Variants in CEP350 observed in about 807,000 individuals in gnomAD.
The protein encoded by CEP350 is centrosomal protein 350, also known as centrosome-associated protein 350.
A neutral mutation model predicts 331.8 loss-of-function variants in CEP350; 126 were observed. That is an observed-to-expected ratio of 0.38 (90% CI 0.33 to 0.44). The LOEUF (loss-of-function observed/expected upper bound fraction) is 0.44. Ranked by LOEUF, CEP350 falls within the 20% of genes least tolerant of loss-of-function variation. CEP350 has a pLI of 1.00. For missense variants in CEP350, 3,406 were observed against 3,634.6 expected (o/e 0.94, Z 1.62); for synonymous variants, 1,200 against 1,259.5 (o/e 0.95, Z 1.00).
chr1:180,103,787 T>C (rs1033806797), intron 37 of CEP350, among the ~76,000 whole-genome samples: 4 of 151,998 alleles, frequency 2.6e-5, no homozygotes, highest in African/African-American at 4.8e-5. Flanking sequence ...CTTAATTCTC[T>C]TTCCATGGCT....
Position 180,004,873 on chromosome 1 carries a change from G to GGCTT in CEP350, c.1133-1548_1133-1545dup, listed in dbSNP as rs142057657. ...CAGAGCTTGGGCAGGCAGGCTGGCT[G>GGCTT]GCTTGCTTGCTTGCTTGCTTGCTTG... On this transcript the variant is annotated intron_variant, in intron 7 of 37. Coordinates refer to ENST00000367607, the MANE Select transcript of CEP350 (RefSeq NM_014810.5). Among the ~76,000 whole-genome samples the GGCTT allele has an allele frequency of 2.3e-3, 236 of 100,600 alleles. 4 individuals are homozygous for GGCTT. The East Asian group carries it at 0.025, about 10-fold the overall frequency. The allele number at this position is 100,600 out of a possible 152,430, so 66.0% of individuals were successfully genotyped here.
intron 11 of CEP350, among the ~76,000 whole-genome samples, chr1:180,016,658 A>AAG (rs1553255480): frequency 1.2e-5 from 1 of 86,716 alleles, no homozygotes; most frequent in Admixed American, 1.6e-4. Context: ...ATTTTGGGTT[A>AAG]TGTTTTTTTT....
rs1236760923 is a variant in CEP350, at chr1:179,996,807, C to G, written c.650C>G (p.Ala217Gly). ...QNSECLIRMG[A>G]SMRTEEEMPN... is the part of the protein sequence containing the mutation. Reference sequence around the variant, plus strand: ...TCTGAATGTTTGATTAGGATGGGAGCTTCTATGAGAACTGAGGAAGAAATG... The same window carrying G: ...TCTGAATGTTTGATTAGGATGGGAGGTTCTATGAGAACTGAGGAAGAAATG... The change falls in exon 6 of 38, where the codon GCT becomes GGT. Residue 217 changes from alanine (A) to glycine (G), a missense_variant. Around this residue, in one of 5 missense-constraint regions of CEP350, gnomAD observed 1,857 missense variants for 1,909.2 expected, o/e 0.97. Coordinates refer to ENST00000367607, the MANE Select transcript of CEP350 (RefSeq NM_014810.5). 1.2e-6 allele frequency: 2 copies of G among 1,613,578 alleles called. No homozygotes were observed. Among genetic ancestry groups the G allele is most frequent in the Admixed American group, 3.3e-5 (2 of 59,974 alleles).
At position 180,111,077 on chromosome 1, in the gene CEP350, C is replaced by T. The variant is rs538238099; in HGVS notation, c.9270C>T (p.Asp3090=). 4.3e-6 allele frequency: 7 copies of T among 1,613,828 alleles called. No individual in the cohort carries two copies. Among genetic ancestry groups the T allele is most frequent in the South Asian group, 3.3e-5 (3 of 91,084 alleles). ...TGTGTGTGAAAATGCAGCTAGCCGA[C>T]GGGATCTTTGAGACCCTGATCAAAG... ...DELCVKMQLA[D]GIFETLIKDT... Residue 3090 remains aspartate (D), a synonymous_variant, in exon 38 of 38, where the codon GAC becomes GAT. Coordinates refer to ENST00000367607, the MANE Select transcript of CEP350 (RefSeq NM_014810.5).
chr1:179,991,667 ATGTGTGTGTGTGTGTGTG>A (rs751570955), intron 4 of CEP350, among the ~76,000 whole-genome samples: 4 of 90,212 alleles, frequency 4.4e-5, no homozygotes, highest in South Asian at 9.7e-4. Flanking sequence ...ATATATATAT[ATGTGTGTGTGTGTGTGTG>A]TGTGTGTGTG....
intron 30 of CEP350, 57 bp downstream of exon 30, chr1:180,080,718 A>G: frequency 6.8e-7 from 1 of 1,461,310 alleles, no homozygotes. Context: ...CCTTTACTCT[A>G]AAAGGCTTCA....
chr1:179,993,278 G>A (rs1653225543), intron 5 of CEP350, among the ~76,000 whole-genome samples: 1 of 151,926 alleles, frequency 6.6e-6, no homozygotes, highest in African/African-American at 2.4e-5. Flanking sequence ...AATAATCGAA[G>A]TTTAGAATCT....
chr1:180,005,503 A>G (rs994022109), intron 7 of CEP350, among the ~76,000 whole-genome samples: 9 of 152,090 alleles, frequency 5.9e-5, no homozygotes, highest in African/African-American at 2.2e-4. Context: ...CGAGGCCACC[A>G]TCAGTTTCCT....
chr1:180,044,198 C>T, intron 21 of CEP350, 25 bp downstream of exon 21: 1 of 1,542,746 alleles, frequency 6.5e-7, no homozygotes. Context: ...ATTTCTTTGT[C>T]AGTACAGTTT....
intron 1 of CEP350, among the ~76,000 whole-genome samples, chr1:179,974,756 C>T (rs916467084): frequency 6.6e-6 from 1 of 152,096 alleles, no homozygotes; most frequent in African/African-American, 2.4e-5. Flanking sequence ...CATTGGGAGG[C>T]CAAGGCAGGA....
rs752296583 is a variant in CEP350, at chr1:180,053,769, C to T, written c.5009C>T (p.Ser1670Leu). The change falls in exon 24 of 38, where the codon TCA (serine) becomes TTA (leucine). Residue 1670 changes from serine (S) to leucine (L), a missense_variant. Coordinates refer to ENST00000367607, the MANE Select transcript of CEP350 (RefSeq NM_014810.5). The part of the protein sequence containing the change: ...STAKELNMPF[S>L]GGQDSFSKFT... ...CTTTAGGAACTGAACATGCCATTCT[C>T]AGGAGGACAAGATAGCTTTTCTAAA... is the stretch of plus-strand genomic sequence containing the variant. 2 of 1,592,590 alleles carry T rather than the reference C, an allele frequency of 1.3e-6. No homozygotes were observed. Among genetic ancestry groups the T allele is most frequent in the Admixed American group, 1.7e-5 (1 of 59,020 alleles).
rs1401622132 is a variant in CEP350 at position 180,036,934 on chromosome 1, C to T, written c.3955C>T (p.Arg1319Cys). 5 of 1,567,012 alleles carry T rather than the reference C, an allele frequency of 3.2e-6. No individual in the cohort carries two copies. The highest frequency in any genetic ancestry group is 3.5e-6 in the Non-Finnish European group (4 of 1,159,246). ...ENMAPIPGSK[R>C]FSPAGLHHRM... ...ATTGTCATGCCTTCCAGGTTCTAAG[C>T]GCTTTTCTCCTGCTGGCCTCCATCA... The change falls in exon 17 of 38, where the codon CGC becomes TGC. Residue 1319 changes from arginine (R) to cysteine (C), a missense_variant. Coordinates refer to ENST00000367607, the MANE Select transcript of CEP350 (RefSeq NM_014810.5).
At chr1:179,980,399 A>G (rs1652187009) in intron 1 of CEP350, among the ~76,000 whole-genome samples, 1 of 151,694 alleles carries the variant, frequency 6.6e-6, no homozygotes, top group African/African-American at 2.4e-5. Context: ...TTTGTATCCT[A>G]CAAATTTACT....
intron 1 of CEP350, among the ~76,000 whole-genome samples, chr1:179,985,049 C>T (rs187277492): frequency 6.2e-4 from 94 of 152,214 alleles, no homozygotes; most frequent in African/African-American, 2.1e-3. Flanking sequence ...GTGTACAGTT[C>T]AGTGGTGTTA....
At position 180,071,813 on chromosome 1, in the gene CEP350, A is replaced by G. The variant is rs115300546; in HGVS notation, c.5568-3209A>G. On this transcript the variant is annotated intron_variant, in intron 27 of 37. Coordinates refer to ENST00000367607, the MANE Select transcript of CEP350 (RefSeq NM_014810.5). ...AAAAGAGCGAATTAAGTACTCATTA[A>G]TTCCTTAAGTTCAAACATTTTAGAA... Among the ~76,000 whole-genome samples, 661 of 152,282 alleles carry G rather than the reference A, an allele frequency of 4.3e-3. 5 individuals are homozygous for G. The highest frequency in any genetic ancestry group is 0.015 in the African/African-American group (629 of 41,562).
At position 179,955,150 on chromosome 1, in the gene CEP350, C is replaced by T; in HGVS notation, c.-14+8C>T. On this transcript the variant is annotated splice_region_variant and intron_variant, in intron 1 of 37. Transcript: ENST00000367607. ...CGGAGGCGACACTCTCAGGTGAGCT[C>T]CTGTAGGACCTGGCTGGGACCGCGG... 1.6e-5 allele frequency: 23 copies of T among 1,442,222 alleles called. No individual in the cohort carries two copies. Among genetic ancestry groups the T allele is most frequent in the Non-Finnish European group, 2.0e-5 (22 of 1,094,390 alleles). The allele number at this position is 1,442,222 out of a possible 1,614,324, so 89.3% of individuals were successfully genotyped here.
At chr1:179,985,622 C>A (rs1280155362) in intron 1 of CEP350, among the ~76,000 whole-genome samples, 1 of 152,122 alleles carries the variant, frequency 6.6e-6, no homozygotes, top group Non-Finnish European at 1.5e-5. Context: ...AGGAAACTTA[C>A]AATCATGGCA....
chr1:179,969,077 A>G, intron 1 of CEP350: 1 of 703,994 alleles, frequency 1.4e-6, no homozygotes, highest in East Asian at 2.7e-5. Context: ...TGCTCTGTGT[A>G]ACACAGAGTC....
Position 180,093,445 on chromosome 1 carries a change from A to G in CEP350, c.7340A>G (p.His2447Arg), listed in dbSNP as rs753287913. Residue 2447 changes from histidine (H) to arginine (R), a missense_variant, in exon 34 of 38, where the codon CAT becomes CGT. By Grantham distance (29) the His-to-Arg change is conservative. Transcript: ENST00000367607. ...CTAAGTGAGAAAAGCCTTTCTATCC[A>G]TAGCAATGTTCATTCTGACAGGCTG... ...ECLSEKSLSI[H>R]SNVHSDRLLE... 9 of 1,604,220 alleles carry G rather than the reference A, an allele frequency of 5.6e-6. No individual in the cohort carries two copies. Among genetic ancestry groups the G allele is most frequent in the South Asian group, 3.4e-5 (3 of 89,526 alleles).
Sources: allele counts gnomAD v4.1 joint callset (sites outside exome capture counted in the v4.1 genomes callset), GRCh38; gene constraint gnomAD v4.1.1; regional missense constraint gnomAD v4.1.1; transcripts MANE v1.5; gene names NCBI Gene and HGNC (gene_info 2026-07-23, HGNC 2026-07-21).